The following DIAPH1 variants were observed in gnomAD, a reference collection of about 807,000 sequenced individuals.
DIAPH1 encodes the protein diaphanous related formin 1, also known as protein diaphanous homolog 1.
In DIAPH1, 46 loss-of-function variants were observed where a neutral mutation model predicts 140.7. The ratio of observed to expected loss-of-function variants is 0.33; its 90% CI spans 0.26 to 0.42. DIAPH1 has a LOEUF of 0.42. DIAPH1 is among the 10% of genes least tolerant of loss of function. DIAPH1 has a pLI of 1.00. For missense variants in DIAPH1, 1,310 were observed against 1,558.7 expected (o/e 0.84, Z 2.69); for synonymous variants, 565 against 551.6 (o/e 1.02, Z -0.34).
intron 16 of DIAPH1, among the ~76,000 whole-genome samples, chr5:141,572,817 G>T (rs752360984): frequency 9.9e-5 from 15 of 151,806 alleles, no homozygotes; most frequent in Non-Finnish European, 1.9e-4. Flanking sequence ...GCGGAATTGG[G>T]ATAGGAGAGT....
At chr5:141,580,702 T>TA (rs1482492765) in intron 8 of DIAPH1, 42 bp downstream of exon 8, 1 of 1,609,332 alleles carries the variant, frequency 6.2e-7, no homozygotes, top group African/African-American at 1.3e-5. Flanking sequence ...GAGAAAATGA[T>TA]AAAATTGAAA....
At chr5:141,618,579 G>T in intron 1 of DIAPH1, 1 of 461,424 alleles carries the variant, frequency 2.2e-6, no homozygotes, top group Non-Finnish European at 4.0e-6. Context: ...AACGAGGGAA[G>T]CCCCGAGGTG....
Position 141,618,862 on chromosome 5 carries a change from T to C in DIAPH1, c.53A>G (p.Lys18Arg). The change falls in exon 1 of 28, where the codon AAG becomes AGG. Residue 18 changes from lysine (K) to arginine (R), a missense_variant. Lys to Arg is a conservative substitution (Grantham distance 26). Around this residue, in one of 3 missense-constraint regions of DIAPH1, gnomAD observed 377 missense variants for 497.1 expected, o/e 0.76. Transcript: ENST00000389054. ...CAGCTCATCTGGGCTCCGGCCCTTC[T>C]TCTTGTCCCGGGTCCCGCGGCCGGG... ...LGPGRGTRDK[K>R]KGRSPDELPS... 1 of 1,530,610 alleles carries C rather than the reference T, an allele frequency of 6.5e-7. No homozygotes were observed. The highest frequency in any genetic ancestry group is 8.8e-7 in the Non-Finnish European group (1 of 1,138,622). 94.8% of individuals were successfully genotyped at this position (1,530,610 alleles called of 1,614,324 possible). A position where few individuals can be genotyped will look rare whatever the true frequency, so the allele number is the denominator to read the frequency against.
At position 141,617,893 on chromosome 5, in the gene DIAPH1, A is replaced by G. The variant is rs939868522; in HGVS notation, c.117+905T>C. 1.2e-4 allele frequency among the ~76,000 whole-genome samples: 19 copies of G among 152,356 alleles called. 1 individual carries two copies. The highest frequency in any genetic ancestry group is 5.9e-4 in the Admixed American group (9 of 15,304). On this transcript the variant is annotated intron_variant, in intron 1 of 27. Transcript: ENST00000389054. ...AAGCTTACTCTTCTACAGGCACGCA[A>G]AGGGAAGCCGATAGTCGCCTTGGGG... is the stretch of plus-strand genomic sequence containing the variant.
At chr5:141,540,763 A>C in intron 18 of DIAPH1, among the ~76,000 whole-genome samples, 1 of 151,892 alleles carries the variant, frequency 6.6e-6, no homozygotes. Context: ...TCACCTATCA[A>C]AAGACGCCAT....
At chr5:141,586,272 T>C (rs1267509038) in intron 3 of DIAPH1, among the ~76,000 whole-genome samples, 1 of 152,216 alleles carries the variant, frequency 6.6e-6, no homozygotes, top group African/African-American at 2.4e-5. Flanking sequence ...AACTGAAAGA[T>C]TCAGTGAAAA....
chr5:141,598,903 A>G (rs981223416), intron 1 of DIAPH1, among the ~76,000 whole-genome samples: 3 of 152,200 alleles, frequency 2.0e-5, no homozygotes, highest in African/African-American at 4.8e-5. Context: ...AAACGGTCCA[A>G]TGGCAGTCTT....
At chr5:141,544,453 T>C (rs2099890481) in intron 18 of DIAPH1, among the ~76,000 whole-genome samples, 1 of 151,998 alleles carries the variant, frequency 6.6e-6, no homozygotes, top group South Asian at 2.1e-4. Flanking sequence ...TGGGAGAAAA[T>C]ATCTGCAAAA....
In DIAPH1 at chr5:141,573,621, G is replaced by A. The variant is rs1361779351; in HGVS notation, c.2229C>T (p.Pro743=). 8.1e-6 allele frequency: 13 copies of A among 1,613,558 alleles called. No individual in the cohort carries two copies. Among genetic ancestry groups the A allele is most frequent in the Admixed American group, 1.7e-5 (1 of 59,978 alleles). Residue 743 remains proline, a synonymous_variant, in exon 16 of 28, where the codon CCC becomes CCT. Coordinates refer to ENST00000389054, the MANE Select transcript of DIAPH1 (RefSeq NM_005219.5). The stretch of plus-strand genomic sequence containing the variant: ...GGGGAGGTGGAGGCATACCCATTCC[G>A]GGTGGAGGTGGAGGAATGCCAGGGC... ...PGGPGIPPPP[P]GMGMPPPPPF...
chr5:141,581,153 T>C (rs994227776), intron 7 of DIAPH1, among the ~76,000 whole-genome samples: 2 of 152,192 alleles, frequency 1.3e-5, no homozygotes, highest in Admixed American at 1.3e-4. Context: ...TGGATATGGA[T>C]ACATACAGAG....
intron 1 of DIAPH1, among the ~76,000 whole-genome samples, chr5:141,596,203 C>T (rs1387630434): frequency 1.3e-5 from 2 of 151,978 alleles, no homozygotes; most frequent in East Asian, 3.9e-4. Flanking sequence ...CGTGGTGGCA[C>T]GCGTCTGTAG....
chr5:141,603,489 T>C (rs1490395442), intron 1 of DIAPH1, among the ~76,000 whole-genome samples: 1 of 152,172 alleles, frequency 6.6e-6, no homozygotes, highest in East Asian at 1.9e-4. Flanking sequence ...ACCCCTGCCT[T>C]CCAAAATCAG....
intron 18 of DIAPH1, among the ~76,000 whole-genome samples, chr5:141,552,240 A>T (rs1324373882): frequency 1.3e-5 from 2 of 151,818 alleles, no homozygotes; most frequent in Non-Finnish European, 2.9e-5. Flanking sequence ...CCCAGGCTGG[A>T]GAACAGTGGT....
intron 3 of DIAPH1, among the ~76,000 whole-genome samples, 182 bp from the exon 4 acceptor site, chr5:141,584,407 T>C (rs762441666): frequency 6.6e-6 from 1 of 152,186 alleles, no homozygotes; most frequent in African/African-American, 2.4e-5. Flanking sequence ...AAGATAAGTA[T>C]AGTTAACATT....
chr5:141,585,707 G>A (rs1374615864), intron 3 of DIAPH1, among the ~76,000 whole-genome samples: 1 of 152,126 alleles, frequency 6.6e-6, no homozygotes, highest in Admixed American at 6.5e-5. Flanking sequence ...GGCTGAGGCA[G>A]GAGAACTGCT....
In DIAPH1 at chr5:141,566,017, C is replaced by T. The variant is rs150765570; in HGVS notation, c.2482+5411G>A. Among the ~76,000 whole-genome samples, 1,152 of 152,232 alleles carry T rather than the reference C, an allele frequency of 7.6e-3. 19 individuals are homozygous for T. The highest frequency in any genetic ancestry group is 0.026 in the African/African-American group (1,094 of 41,538). ...TGAAATGAGAGAGATAATGGAAGAA[C>T]AAAACCCAAGCGAATGATTATAATG... On this transcript the variant is annotated intron_variant, in intron 18 of 27. Coordinates refer to ENST00000389054, the MANE Select transcript of DIAPH1 (RefSeq NM_005219.5).
chr5:141,569,127 T>C (rs892778636), intron 18 of DIAPH1, among the ~76,000 whole-genome samples: 1 of 152,168 alleles, frequency 6.6e-6, no homozygotes, highest in Non-Finnish European at 1.5e-5. Flanking sequence ...CATATCCCCT[T>C]TCTTGCAGCT....
chr5:141,534,511 T>C, intron 18 of DIAPH1, 78 bp from the exon 19 acceptor site: 1 of 1,123,986 alleles, frequency 8.9e-7, no homozygotes, highest in East Asian at 2.4e-5. Flanking sequence ...CTGTCCAGCG[T>C]GAAATGGCCC....
At chr5:141,557,880 C>T (rs1018758610) in intron 18 of DIAPH1, 2 of 152,218 alleles carry the variant, frequency 1.3e-5, no homozygotes, top group Non-Finnish European at 2.9e-5. Context: ...AGCCAGTCTC[C>T]CTCCCTCTGC....
Sources: allele counts gnomAD v4.1 joint callset (sites outside exome capture counted in the v4.1 genomes callset), GRCh38; gene constraint gnomAD v4.1.1; regional missense constraint gnomAD v4.1.1; transcripts MANE v1.5; gene names NCBI Gene and HGNC (gene_info 2026-07-23, HGNC 2026-07-21).